Variants in NLGN4X observed in about 807,000 individuals in gnomAD.
NLGN4X encodes neuroligin 4 X-linked.
Under a neutral mutation model 40.3 loss-of-function variants are expected in NLGN4X, and 3 were observed. The ratio of observed to expected loss-of-function variants is 0.07; its 90% CI spans 0.03 to 0.19. The LOEUF (loss-of-function observed/expected upper bound fraction) is 0.19, where lower values mean the gene tolerates loss of function less well. Among genes scored for constraint, NLGN4X ranks in the 10% least tolerant of loss-of-function variants. NLGN4X has a pLI of 1.00. For synonymous variants in NLGN4X, 270 were observed against 306.8 expected (o/e 0.88, Z 1.25); for missense variants, 382 against 708.3 (o/e 0.54, Z 5.23).
At chrX:6,043,020 G>A in intron 2 of NLGN4X, among the ~76,000 whole-genome samples, 1 of 106,661 alleles carries the variant, frequency 9.4e-6, no homozygotes, top group Non-Finnish European at 1.9e-5. Context: ...AGGCTGCAGT[G>A]AGCCAAGATC....
At chrX:6,014,218 T>G (rs2036331360) in intron 3 of NLGN4X, among the ~76,000 whole-genome samples, 1 of 110,278 alleles carries the variant, frequency 9.1e-6, no homozygotes, top group Non-Finnish European at 1.9e-5. Context: ...GATCTTAAGA[T>G]GAGAACTTAA....
At chrX:6,157,110 A>C (rs1486158528) in intron 1 of NLGN4X, among the ~76,000 whole-genome samples, 1 of 78,054 alleles carries the variant, frequency 1.3e-5, no homozygotes, top group African/African-American at 4.7e-5. Flanking sequence ...AATTAGCAAG[A>C]CCCCATCTCT....
intron 3 of NLGN4X, among the ~76,000 whole-genome samples, chrX:5,931,128 G>A (rs1431239406): frequency 1.8e-5 from 2 of 112,253 alleles, no homozygotes; most frequent in Non-Finnish European, 1.9e-5. Flanking sequence ...GGGAGGCAGA[G>A]TGGGGAAATG....
At chrX:6,147,486 G>A (rs771858705) in intron 2 of NLGN4X, among the ~76,000 whole-genome samples, 1 of 112,167 alleles carries the variant, frequency 8.9e-6, no homozygotes, top group Non-Finnish European at 1.9e-5. Flanking sequence ...TGGGGACCAA[G>A]ACGAATCACG....
intron 2 of NLGN4X, among the ~76,000 whole-genome samples, chrX:6,048,529 A>G (rs1277224041): frequency 8.9e-6 from 1 of 111,934 alleles, no homozygotes; most frequent in Non-Finnish European, 1.9e-5. Context: ...TGGTTTCTCA[A>G]TGTGGACATG....
intron 1 of NLGN4X, among the ~76,000 whole-genome samples, chrX:6,156,852 A>T (rs2040278441): frequency 9.4e-6 from 1 of 105,955 alleles, no homozygotes; most frequent in Non-Finnish European, 2.0e-5. Context: ...TCCCATGAAT[A>T]AAAAAAAAAA....
intron 3 of NLGN4X, among the ~76,000 whole-genome samples, chrX:6,026,298 T>A (rs748184503): frequency 2.9e-4 from 32 of 111,604 alleles, no homozygotes; most frequent in Non-Finnish European, 1.3e-4. Context: ...AAGATAACAT[T>A]TATGCATTTA....
chrX:6,161,545 G>T (rs894192593), intron 1 of NLGN4X, among the ~76,000 whole-genome samples: 1 of 104,347 alleles, frequency 9.6e-6, no homozygotes, highest in African/African-American at 3.4e-5. Flanking sequence ...TCAATATTTT[G>T]CTTGGTTATT....
At chrX:6,123,749 A>C (rs2039478176) in intron 2 of NLGN4X, among the ~76,000 whole-genome samples, 1 of 105,766 alleles carries the variant, frequency 9.5e-6, no homozygotes, top group South Asian at 4.3e-4. Flanking sequence ...CCCAACTATA[A>C]GGAAAAAAAA....
chrX:6,178,522 T>C (rs896194056), intron 1 of NLGN4X, among the ~76,000 whole-genome samples: 53 of 112,394 alleles, frequency 4.7e-4, no homozygotes, highest in Middle Eastern at 4.6e-3. Flanking sequence ...TTCTTCACAC[T>C]GTTTCTACCA....
At chrX:5,907,687 A>C (rs5916271) in intron 4 of NLGN4X, among the ~76,000 whole-genome samples, 9,950 of 109,803 alleles carry the variant, frequency 0.091, 407 homozygotes, top group South Asian at 0.19. Flanking sequence ...TGGAGCTCCC[A>C]CGGGGACAAG....
chrX:5,957,145 C>T (rs2034519805), intron 3 of NLGN4X, among the ~76,000 whole-genome samples: 1 of 111,803 alleles, frequency 8.9e-6, no homozygotes, highest in South Asian at 3.7e-4. Flanking sequence ...CCTTGGGAAT[C>T]CCTGGTTTTT....
At chrX:6,198,538 G>A (rs919412113) in intron 1 of NLGN4X, among the ~76,000 whole-genome samples, 1 of 111,843 alleles carries the variant, frequency 8.9e-6, no homozygotes, top group Admixed American at 9.5e-5. Context: ...AAAGATGAAC[G>A]CCACCTGATC....
chrX:6,190,996 CAATT>C (rs1049522158), intron 1 of NLGN4X, among the ~76,000 whole-genome samples: 1 of 110,818 alleles, frequency 9.0e-6, no homozygotes, highest in African/African-American at 3.3e-5. Flanking sequence ...GAGGAGCAGA[CAATT>C]ATTTCAAAAT....
intron 2 of NLGN4X, among the ~76,000 whole-genome samples, chrX:6,063,953 T>C (rs965167993): frequency 8.9e-6 from 1 of 112,198 alleles, no homozygotes; most frequent in African/African-American, 3.2e-5. Flanking sequence ...GTTTTTCTGA[T>C]TGGGCTCTTT....
chrX:6,172,569 C>A (rs764180131), intron 1 of NLGN4X, among the ~76,000 whole-genome samples: 3 of 111,838 alleles, frequency 2.7e-5, no homozygotes, highest in Non-Finnish European at 5.6e-5. Context: ...GTCACTATTT[C>A]ATCATATCTC....
Position 6,201,906 on chromosome X carries a change from C to A in NLGN4X, c.-306+26635G>T, listed in dbSNP as rs751854807. Reference sequence around the variant, plus strand: ...TCTCCGATGGAAATAATCATCAAACCATGAGTAGATGCAAAGCTACATAGG... The same window carrying A: ...TCTCCGATGGAAATAATCATCAAACAATGAGTAGATGCAAAGCTACATAGG... On this transcript the variant is annotated intron_variant, in intron 1 of 5. Transcript: ENST00000381095. Among the ~76,000 whole-genome samples, 13 of 111,137 alleles carry A rather than the reference C, an allele frequency of 1.2e-4. No homozygotes were observed. In the South Asian group the frequency reaches 5.0e-3, roughly 43 times the overall value.
At chrX:5,932,394 G>T (rs2033577677) in intron 3 of NLGN4X, among the ~76,000 whole-genome samples, 1 of 111,192 alleles carries the variant, frequency 9.0e-6, no homozygotes, top group South Asian at 3.8e-4. Flanking sequence ...CAGGCTAAAT[G>T]TTTAACAAAG....
At chrX:6,033,390 T>C (rs764311026) in intron 2 of NLGN4X, among the ~76,000 whole-genome samples, 6 of 112,419 alleles carry the variant, frequency 5.3e-5, no homozygotes, top group African/African-American at 1.9e-4. Flanking sequence ...AGAGAAGCAC[T>C]ACCCACTATT....
Sources: gnomAD v4.1 joint callset for allele counts (sites outside exome capture counted in the v4.1 genomes callset) on GRCh38, gnomAD v4.1.1 for gene constraint, MANE v1.5 for transcripts, NCBI Gene and HGNC (gene_info 2026-07-23, HGNC 2026-07-21) for gene names.